MEIS1: variants seen among roughly 807,000 people sequenced by gnomAD.
The protein encoded by MEIS1 is Meis homeobox 1.
Under a neutral mutation model 50.8 loss-of-function variants are expected in MEIS1, and 5 were observed. The ratio of observed to expected loss-of-function variants is 0.10; its 90% confidence interval spans 0.05 to 0.21. The LOEUF (loss-of-function observed/expected upper bound fraction) is 0.21. MEIS1 is among the 10% of genes least tolerant of loss of function. The pLI is 1.00. For missense variants in MEIS1, 318 were observed against 517.3 expected, an observed-to-expected ratio of 0.61 and a Z score of 3.74; for synonymous variants, 176 against 179.3, an observed-to-expected ratio of 0.98 and a Z score of 0.15.
At chr2:66,471,216 G>A (rs6739338) in intron 7 of MEIS1, among the ~76,000 whole-genome samples, 2,391 of 152,194 alleles carry the variant, frequency 0.016, 64 homozygotes, top group African/African-American at 0.054. Context: ...GAAAAGACAG[G>A]GCATTAGTCA....
intron 7 of MEIS1, among the ~76,000 whole-genome samples, chr2:66,491,605 C>T (rs996394722): frequency 6.6e-6 from 1 of 152,070 alleles, no homozygotes; most frequent in African/African-American, 2.4e-5. Context: ...TTGTACAGGC[C>T]CTAAAACAAG....
chr2:66,518,229 G>A lies in MEIS1; in HGVS notation c.888+5935G>A, dbSNP rs557781858. On this transcript the variant is annotated intron_variant, in intron 8 of 12. Coordinates refer to ENST00000272369, the MANE Select transcript of MEIS1 (RefSeq NM_002398.3). ...TTATCCAGGTATATAGCCCTTCTGA[G>A]CACACGACCTCTGTCTGAGACTCTA... is the stretch of plus-strand genomic sequence containing the variant. 3.3e-5 allele frequency among the ~76,000 whole-genome samples: 5 copies of A among 152,300 alleles called. No individual in the cohort carries two copies. In the East Asian group the frequency reaches 7.7e-4, roughly 24 times the overall value.
At chr2:66,549,162 A>T (rs528112025) in intron 9 of MEIS1, among the ~76,000 whole-genome samples, 1 of 152,188 alleles carries the variant, frequency 6.6e-6, no homozygotes, top group East Asian at 1.9e-4. Flanking sequence ...TCAATTTAGT[A>T]TTTTAGAGAT....
intron 8 of MEIS1, among the ~76,000 whole-genome samples, chr2:66,515,439 A>G (rs1673941084): frequency 1.3e-5 from 2 of 152,300 alleles, no homozygotes; most frequent in Admixed American, 1.3e-4. Context: ...CTGAATTTGT[A>G]CCCCAGCTAC....
intron 8 of MEIS1, among the ~76,000 whole-genome samples, chr2:66,517,115 G>T (rs1673989404): frequency 6.6e-6 from 1 of 152,072 alleles, no homozygotes; most frequent in Non-Finnish European, 1.5e-5. Context: ...TTCCTTTTAA[G>T]CCTTACCAGC....
chr2:66,558,041 A>G (rs1210445348), intron 9 of MEIS1, among the ~76,000 whole-genome samples: 2 of 152,158 alleles, frequency 1.3e-5, no homozygotes, highest in Non-Finnish European at 2.9e-5. Flanking sequence ...GCATTTTGGG[A>G]GGCCGAGGGA....
Position 66,474,572 on chromosome 2 carries a change from G to GA in MEIS1, c.742+10362dup, listed in dbSNP as rs780500428. On this transcript the variant is annotated intron_variant, in intron 7 of 12. Coordinates refer to ENST00000272369, the MANE Select transcript of MEIS1 (RefSeq NM_002398.3). ...AATTTATGCCAAGCATTTTCCTCAG[G>GA]AAAAAAAAAATGTAGGCATGGTCTA... is the stretch of plus-strand genomic sequence containing the variant. Among the ~76,000 whole-genome samples the GA allele has an allele frequency of 8.6e-4, 128 of 148,802 alleles. 1 individual carries two copies. The South Asian group carries it at 0.013, about 15-fold the overall frequency.
At chr2:66,567,360 G>A in intron 9 of MEIS1, 93 bp from the exon 10 acceptor site, 1 of 1,371,896 alleles carries the variant, frequency 7.3e-7, no homozygotes, top group Non-Finnish European at 1.0e-6. Context: ...CCAAGATCTA[G>A]TTTTACTCCA....
intron 9 of MEIS1, among the ~76,000 whole-genome samples, chr2:66,556,539 A>G (rs190391157): frequency 6.6e-6 from 1 of 151,792 alleles, no homozygotes; most frequent in Admixed American, 6.6e-5. Flanking sequence ...ATGGAAGTTA[A>G]TGCACCATAT....
chr2:66,514,379 C>T (rs190245302), intron 8 of MEIS1, among the ~76,000 whole-genome samples: 125 of 152,232 alleles, frequency 8.2e-4, no homozygotes, highest in Non-Finnish European at 1.2e-3. Context: ...TCTAACAGCC[C>T]GCATGATTTT....
At chr2:66,460,284 C>G (rs143564772) in intron 6 of MEIS1, among the ~76,000 whole-genome samples, 15 of 152,238 alleles carry the variant, frequency 9.9e-5, no homozygotes, top group Admixed American at 5.9e-4. Flanking sequence ...ACCATTCTCA[C>G]TCATGGAGGA....
intron 6 of MEIS1, among the ~76,000 whole-genome samples, chr2:66,463,882 C>G (rs1333702712): frequency 3.3e-5 from 5 of 152,168 alleles, no homozygotes; most frequent in African/African-American, 9.7e-5. Context: ...CATGCAATTA[C>G]TTACAGAATA....
At chr2:66,535,466 C>T (rs1030619691) in intron 8 of MEIS1, among the ~76,000 whole-genome samples, 2 of 152,176 alleles carry the variant, frequency 1.3e-5, no homozygotes, top group Admixed American at 6.5e-5. Context: ...GGTGACAGGT[C>T]GAGCCTTCTC....
In MEIS1 at chr2:66,445,312, G is replaced by C. The variant is rs1672103794; in HGVS notation, c.630+2264G>C. ...CAAACCCAAGGTCCGGTTTGGAGAG[G>C]GGAGCGCAAAGCGCTGGACGCATGC... On this transcript the variant is annotated intron_variant, in intron 6 of 12. Coordinates refer to ENST00000272369, the MANE Select transcript of MEIS1 (RefSeq NM_002398.3). The C allele has an allele frequency of 2.6e-5, 4 of 152,352 alleles. No individual in the cohort carries two copies. In the South Asian group the frequency reaches 8.3e-4, roughly 32 times the overall value. The allele number at this position is 152,352 out of a possible 1,614,324, so 9.4% of individuals were successfully genotyped here.
At chr2:66,488,039 G>A (rs538011529) in intron 7 of MEIS1, among the ~76,000 whole-genome samples, 1 of 152,304 alleles carries the variant, frequency 6.6e-6, no homozygotes, top group East Asian at 1.9e-4. Flanking sequence ...TTACAGATTT[G>A]ATTCTTTTGC....
At chr2:66,439,620 T>TA (rs1302815783) in intron 2 of MEIS1, 1 of 1,537,258 alleles carries the variant, frequency 6.5e-7, no homozygotes, top group South Asian at 1.2e-5. Context: ...GATCCTCAGA[T>TA]ACCGTCCATG....
At chr2:66,523,622 G>A (rs1034508494) in intron 8 of MEIS1, among the ~76,000 whole-genome samples, 1 of 152,168 alleles carries the variant, frequency 6.6e-6, no homozygotes, top group Admixed American at 6.5e-5. Flanking sequence ...ACTCTATGTG[G>A]AAACCAAATT....
intron 8 of MEIS1, among the ~76,000 whole-genome samples, chr2:66,527,991 C>T (rs890133524): frequency 6.6e-5 from 10 of 152,120 alleles, no homozygotes; most frequent in Non-Finnish European, 1.2e-4. Context: ...ATCTCTGGTG[C>T]AGTTTATAGA....
At chr2:66,493,334 A>G (rs768780901) in intron 7 of MEIS1, among the ~76,000 whole-genome samples, 4 of 152,150 alleles carry the variant, frequency 2.6e-5, no homozygotes, top group Admixed American at 1.3e-4. Context: ...TTATGATTCT[A>G]TCTATAGTTA....
Sources: gnomAD v4.1 joint callset for allele counts (sites outside exome capture counted in the v4.1 genomes callset) on GRCh38, gnomAD v4.1.1 for gene constraint, MANE v1.5 for transcripts, NCBI Gene and HGNC (gene_info 2026-07-23, HGNC 2026-07-21) for gene names.